Variants in DCAF8L2 observed in about 807,000 individuals in gnomAD.
DCAF8L2 encodes the protein DDB1- and CUL4-associated factor 8-like protein 2.
For missense variants in DCAF8L2, 430 were observed against 490.7 expected (o/e 0.88, Z 1.17); for synonymous variants, 200 against 190.9 (o/e 1.05, Z -0.39).
the DCAF8L2 span, among the ~76,000 whole-genome samples, chrX:27,522,307 G>A: frequency 1.8e-5 from 2 of 112,206 alleles, no homozygotes; most frequent in African/African-American, 6.5e-5. Flanking sequence ...GATTACAGGC[G>A]TGAGCCACCG....
intron 3 of DCAF8L2, among the ~76,000 whole-genome samples, chrX:27,696,208 AAAAG>A (rs1357339933): frequency 1.9e-5 from 2 of 106,070 alleles, no homozygotes; most frequent in African/African-American, 6.9e-5. Context: ...GAAGAAAAAA[AAAAG>A]AAGAAAAAGA....
At chrX:27,692,904 G>A (rs2147256888) in intron 3 of DCAF8L2, among the ~76,000 whole-genome samples, 1 of 111,035 alleles carries the variant, frequency 9.0e-6, no homozygotes, top group East Asian at 2.8e-4. Flanking sequence ...GAGCTATATG[G>A]CCCCAAATGT....
the DCAF8L2 span, among the ~76,000 whole-genome samples, chrX:27,485,315 A>T: frequency 1.8e-5 from 2 of 111,932 alleles, no homozygotes. Flanking sequence ...TAAAATTTAC[A>T]TTATGGCCCT....
At chrX:27,551,109 C>G in the DCAF8L2 span, among the ~76,000 whole-genome samples, 1 of 109,283 alleles carries the variant, frequency 9.2e-6, no homozygotes, top group Non-Finnish European at 1.9e-5. Context: ...GGCTGTTCCC[C>G]TATCTCTCTT....
intron 3 of DCAF8L2, among the ~76,000 whole-genome samples, chrX:27,683,149 T>G (rs144495562): frequency 1.1e-3 from 125 of 112,241 alleles, no homozygotes; most frequent in Non-Finnish European, 1.9e-3. Context: ...TTCAATTTCA[T>G]ACTGGCAAAT....
intron 1 of DCAF8L2, among the ~76,000 whole-genome samples, chrX:27,604,857 T>G (rs1183512531): frequency 8.9e-6 from 1 of 112,010 alleles, no homozygotes; most frequent in African/African-American, 3.2e-5. Flanking sequence ...TAATAGGCAG[T>G]CTGATGGTGA....
intron 4 of DCAF8L2, among the ~76,000 whole-genome samples, chrX:27,724,389 G>A (rs1404279471): frequency 1.8e-5 from 2 of 110,684 alleles, no homozygotes; most frequent in African/African-American, 6.5e-5. Context: ...ATTAATAAAC[G>A]TTAATTATTG....
the DCAF8L2 span, among the ~76,000 whole-genome samples, chrX:27,514,013 G>A: frequency 0.022 from 2,453 of 111,780 alleles, 76 homozygotes; most frequent in African/African-American, 0.076. Flanking sequence ...GGTATATATC[G>A]AAAGGGAATG....
intron 4 of DCAF8L2, among the ~76,000 whole-genome samples, chrX:27,726,207 C>G (rs1222978317): frequency 9.0e-6 from 1 of 111,490 alleles, no homozygotes; most frequent in South Asian, 3.7e-4. Context: ...TTTCCCCCCT[C>G]TCAGTTCTCA....
chrX:27,660,774 A>T (rs1929531224), intron 2 of DCAF8L2, among the ~76,000 whole-genome samples: 2 of 112,096 alleles, frequency 1.8e-5, no homozygotes, highest in Non-Finnish European at 3.8e-5. Context: ...CAGGCAGGCA[A>T]GTCTCAGGTG....
chrX:27,594,617 C>G (rs187680405), intron 1 of DCAF8L2, among the ~76,000 whole-genome samples: 13 of 111,100 alleles, frequency 1.2e-4, no homozygotes, highest in African/African-American at 4.2e-4. Context: ...CAAAAATTTC[C>G]TTAAGAGAAA....
chrX:27,748,220 A>C lies in DCAF8L2; in HGVS notation c.1325A>C (p.Asn442Thr), dbSNP rs750469981. The C allele has an allele frequency of 4.1e-6, 5 of 1,212,058 alleles. No homozygotes were observed. In the Admixed American group the frequency reaches 1.1e-4, roughly 26 times the overall value. Residue 442 changes from asparagine (N) to threonine (T), a missense_variant, in exon 5 of 5, where the codon AAT becomes ACT. Transcript: ENST00000451261. The part of the protein sequence containing the change: ...HDGTELLASY[N>T]DDDIYLFNSS... Reference sequence around the variant, plus strand: ...GGCACAGAGCTGCTAGCCAGCTACAATGATGACGATATTTACCTCTTCAAC... The same window carrying C: ...GGCACAGAGCTGCTAGCCAGCTACACTGATGACGATATTTACCTCTTCAAC...
intron 4 of DCAF8L2, among the ~76,000 whole-genome samples, chrX:27,733,501 T>C (rs1226132805): frequency 3.6e-5 from 4 of 112,110 alleles, no homozygotes; most frequent in South Asian, 3.7e-4. Context: ...ATTTTGTTGT[T>C]TCCTTTACTA....
intron 3 of DCAF8L2, among the ~76,000 whole-genome samples, chrX:27,693,046 ACT>A (rs1386132116): frequency 8.9e-6 from 1 of 112,098 alleles, no homozygotes; most frequent in Non-Finnish European, 1.9e-5. Flanking sequence ...TAACCACATT[ACT>A]GATTAATTCG....
At chrX:27,738,759 C>T (rs1470684781) in intron 4 of DCAF8L2, among the ~76,000 whole-genome samples, 1 of 112,290 alleles carries the variant, frequency 8.9e-6, no homozygotes, top group Non-Finnish European at 1.9e-5. Context: ...TTCTCTCATT[C>T]TCTGAGTTGG....
intron 2 of DCAF8L2, among the ~76,000 whole-genome samples, chrX:27,636,532 A>T (rs1179357178): frequency 8.9e-6 from 1 of 111,911 alleles, no homozygotes; most frequent in Admixed American, 9.5e-5. Context: ...TATCCCCAGG[A>T]TGTAATGGCT....
intron 4 of DCAF8L2, among the ~76,000 whole-genome samples, chrX:27,741,557 C>T (rs1274930176): frequency 2.7e-5 from 3 of 111,282 alleles, no homozygotes; most frequent in Non-Finnish European, 5.7e-5. Context: ...GAGCAGCTGC[C>T]TGTTCTGGAT....
At chrX:27,604,414 C>G (rs1926784254) in intron 1 of DCAF8L2, among the ~76,000 whole-genome samples, 1 of 110,974 alleles carries the variant, frequency 9.0e-6, no homozygotes, top group Admixed American at 9.7e-5. Flanking sequence ...CATATCATAT[C>G]ACTCTTACCT....
chrX:27,664,977 A>C (rs1929690489), intron 2 of DCAF8L2, among the ~76,000 whole-genome samples: 1 of 111,473 alleles, frequency 9.0e-6, no homozygotes, highest in East Asian at 2.8e-4. Flanking sequence ...ATGGAAATAT[A>C]CAAAAAGATT....
Sources: gnomAD v4.1 joint callset for allele counts (sites outside exome capture counted in the v4.1 genomes callset) on GRCh38, gnomAD v4.1.1 for gene constraint, MANE v1.5 for transcripts, NCBI Gene and HGNC (gene_info 2026-07-23, HGNC 2026-07-21) for gene names.